Variants in SLC29A3 observed in about 807,000 individuals in gnomAD.
The protein encoded by SLC29A3 is equilibrative nucleoside transporter 3.
SLC29A3 carries 18 observed loss-of-function variants against 25.4 expected under a neutral mutation model. The observed-to-expected ratio is 0.71, with a 90% CI of 0.49 to 1.05. SLC29A3 has a LOEUF of 1.05. Ranked by LOEUF, SLC29A3 falls within the 50% of genes least tolerant of loss-of-function variation. The pLI is 0.00. For missense variants in SLC29A3, 586 were observed against 609.0 expected (o/e 0.96, Z 0.40); for synonymous variants, 258 against 267.1 (o/e 0.97, Z 0.33).
intron 5 of SLC29A3, among the ~76,000 whole-genome samples, chr10:71,359,363 T>C (rs1355855587): frequency 6.6e-6 from 1 of 152,120 alleles, no homozygotes; most frequent in African/African-American, 2.4e-5. Context: ...CCGTCCTACA[T>C]TTGGGAGAGT....
rs988941044 is a variant in SLC29A3, at chr10:71,344,286, C to G, written c.378C>G (p.Val126=). 1.2e-6 allele frequency: 2 copies of G among 1,613,402 alleles called. No homozygotes were observed. Among genetic ancestry groups the G allele is most frequent in the Admixed American group, 1.7e-5 (1 of 60,026 alleles). ...GCCTGGTGGCCAACTTCCTGCTTGT[C>G]AACAGGTAGGCGACTCTCTTCCCTC... ...MLCLVANFLL[V]NRVAVHIRVL... The change falls in exon 3 of 6, where the codon GTC becomes GTG. Residue 126 remains valine, a synonymous_variant. Coordinates refer to ENST00000373189, the MANE Select transcript of SLC29A3 (RefSeq NM_018344.6).
chr10:71,319,664 T>G, intron 1 of SLC29A3: 1 of 272,802 alleles, frequency 3.7e-6, no homozygotes, highest in Admixed American at 5.4e-5. Flanking sequence ...TGGGGCTGTT[T>G]ACACCGCAAA....
intron 3 of SLC29A3, among the ~76,000 whole-genome samples, chr10:71,345,678 CGAAG>C (rs10552605): frequency 0.87 from 132,173 of 151,928 alleles, 57,937 homozygotes; most frequent in African/African-American, 0.91. Context: ...CTCCTGCCTT[CGAAG>C]CTAGGGCCAT....
chr10:71,334,321 C>A (rs1346167277), intron 2 of SLC29A3, among the ~76,000 whole-genome samples: 13 of 152,228 alleles, frequency 8.5e-5, no homozygotes, highest in African/African-American at 3.1e-4. Context: ...CGAAGGCCGA[C>A]CGCGTTCCAG....
Position 71,351,801 on chromosome 10 carries a change from G to C in SLC29A3, c.610+13G>C, listed in dbSNP as rs751638776. The C allele has an allele frequency of 6.3e-7, 1 of 1,599,940 alleles. No homozygotes were observed. Among genetic ancestry groups the C allele is most frequent in the South Asian group, 1.1e-5 (1 of 89,758 alleles). ...GCACTGATATCAGGTGAGAGCCAGGGTCCGGGCAGCTGACCAGGTTCATCC... is the reference window on the plus strand; with the variant it reads ...GCACTGATATCAGGTGAGAGCCAGGCTCCGGGCAGCTGACCAGGTTCATCC... On this transcript the variant is annotated intron_variant, in intron 4 of 5. Transcript: ENST00000373189.
intron 1 of SLC29A3, among the ~76,000 whole-genome samples, chr10:71,321,878 T>C (rs976561144): frequency 1.3e-5 from 2 of 152,250 alleles, no homozygotes; most frequent in Non-Finnish European, 2.9e-5. Context: ...AACCCAGGCT[T>C]GGCCATTTAC....
At chr10:71,376,478 T>G (rs1847252503) in intron 4 of SLC29A3, among the ~76,000 whole-genome samples, 1 of 152,210 alleles carries the variant, frequency 6.6e-6, no homozygotes, top group Non-Finnish European at 1.5e-5. Context: ...GTAATAACTA[T>G]TATACCTCTT....
At chr10:71,359,262 C>T (rs1846994442) in intron 5 of SLC29A3, among the ~76,000 whole-genome samples, 2 of 152,294 alleles carry the variant, frequency 1.3e-5, no homozygotes, top group African/African-American at 4.8e-5. Context: ...GATCTGTGGG[C>T]TCACAGACAC....
At chr10:71,360,708 G>A (rs1029371351) in intron 5 of SLC29A3, among the ~76,000 whole-genome samples, 2 of 152,174 alleles carry the variant, frequency 1.3e-5, no homozygotes, top group African/African-American at 4.8e-5. Context: ...CAAAATACTA[G>A]TATACATGTG....
intron 3 of SLC29A3, among the ~76,000 whole-genome samples, chr10:71,347,221 A>G (rs1846614430): frequency 6.6e-6 from 1 of 152,156 alleles, no homozygotes; most frequent in Non-Finnish European, 1.5e-5. Flanking sequence ...GTGTTTTATT[A>G]TGTTAAATCT....
intron 1 of SLC29A3, among the ~76,000 whole-genome samples, chr10:71,320,220 C>T (rs2131791862): frequency 6.6e-6 from 1 of 152,300 alleles, no homozygotes; most frequent in Middle Eastern, 3.4e-3. Context: ...ACCTTCTAGC[C>T]GCCCCCACAG....
At chr10:71,364,691 G>C (rs749579018), downstream of SLC29A3, 2 of 152,240 alleles carry the variant, frequency 1.3e-5, no homozygotes, top group Non-Finnish European at 2.9e-5. Flanking sequence ...AATCCAGCCG[G>C]TGGCAGCAGT....
chr10:71,326,818 C>G, intron 2 of SLC29A3, among the ~76,000 whole-genome samples: 1 of 152,240 alleles, frequency 6.6e-6, no homozygotes, highest in Admixed American at 6.5e-5. Context: ...CCTTCAGCTG[C>G]CCGGAGCTCC....
chr10:71,376,015 G>A (rs1847249320), intron 4 of SLC29A3, among the ~76,000 whole-genome samples: 1 of 152,098 alleles, frequency 6.6e-6, no homozygotes. Flanking sequence ...TAGAAGAGGG[G>A]GAAGAAGGGG....
intron 3 of SLC29A3, among the ~76,000 whole-genome samples, chr10:71,370,711 T>C (rs1487938076): frequency 6.6e-6 from 1 of 152,042 alleles, no homozygotes; most frequent in Non-Finnish European, 1.5e-5. Context: ...TTTAAAAAAA[T>C]GAAATATAAC....
At position 71,362,507 on chromosome 10, in the gene SLC29A3, A is replaced by C; in HGVS notation, c.1327A>C (p.Arg443=). ...CCTCTACGGGCCTAAGATTGTGCCC[A>C]GGGAGCTGGCTGAGGCCACGGGAGT... ...ALLYGPKIVP[R]ELAEATGVVM... The change falls in exon 6 of 6, where the codon AGG becomes CGG. Residue 443 remains arginine, a synonymous_variant. Coordinates refer to ENST00000373189, the MANE Select transcript of SLC29A3 (RefSeq NM_018344.6). 1 of 1,614,198 alleles carries C rather than the reference A, an allele frequency of 6.2e-7. No homozygotes were observed. The highest frequency in any genetic ancestry group is 8.5e-7 in the Non-Finnish European group (1 of 1,180,046).
intron 4 of SLC29A3, among the ~76,000 whole-genome samples, chr10:71,353,066 C>T (rs1589238827): frequency 1.3e-5 from 2 of 152,196 alleles, no homozygotes; most frequent in Non-Finnish European, 2.9e-5. Context: ...CTTCCCCACT[C>T]GAGCCAGTGC....
In SLC29A3 at chr10:71,362,888, CA is replaced by C; in HGVS notation, c.*281del. The C allele has an allele frequency of 3.2e-6, 2 of 622,052 alleles. No individual in the cohort carries two copies. The highest frequency in any genetic ancestry group is 6.0e-6 in the Non-Finnish European group (2 of 335,360). 38.5% of individuals were successfully genotyped at this position (622,052 alleles called of 1,614,324 possible). On this transcript the variant is annotated 3_prime_UTR_variant, in exon 6 of 6. Coordinates refer to ENST00000373189, the MANE Select transcript of SLC29A3 (RefSeq NM_018344.6). ...CCTTCACAGCTGATGGTTAACATTCCACCTTCTTTCTAGCCCTTCAAAGATG... is the reference window on the plus strand; with the variant it reads ...CCTTCACAGCTGATGGTTAACATTCCCCTTCTTTCTAGCCCTTCAAAGATG...
intron 5 of SLC29A3, 30 bp from the exon 6 acceptor site, chr10:71,361,924 C>T (rs1847063924): frequency 6.2e-7 from 1 of 1,613,086 alleles, no homozygotes. Flanking sequence ...AAGCAACCTG[C>T]TTGATGGTGG....
Sources: gnomAD v4.1 joint callset for allele counts (sites outside exome capture counted in the v4.1 genomes callset) on GRCh38, gnomAD v4.1.1 for gene constraint, MANE v1.5 for transcripts, NCBI Gene and HGNC (gene_info 2026-07-23, HGNC 2026-07-21) for gene names.